The following DCAF6 variants were observed in gnomAD, a reference collection of about 807,000 sequenced individuals.
The protein encoded by DCAF6 is DDB1 and CUL4 associated factor 6.
Under a neutral mutation model 125.1 loss-of-function variants are expected in DCAF6, and 54 were observed. That is an observed-to-expected ratio of 0.43 (90% CI 0.35 to 0.54). DCAF6 has a LOEUF of 0.54. Ranked by LOEUF, DCAF6 falls within the 20% of genes least tolerant of loss-of-function variation. The pLI is 0.01. For synonymous variants in DCAF6, 371 were observed against 390.4 expected (o/e 0.95, Z 0.58); for missense variants, 934 against 1,161.7 (o/e 0.80, Z 2.85).
At chr1:168,023,216 G>A in intron 12 of DCAF6, 169 bp downstream of exon 12, 1 of 670,810 alleles carries the variant, frequency 1.5e-6, no homozygotes, top group Non-Finnish European at 2.5e-6. Context: ...AGGTCTTTTT[G>A]GCCTATACAG....
chr1:168,032,512 T>C (rs536083930), intron 12 of DCAF6, among the ~76,000 whole-genome samples: 1 of 152,368 alleles, frequency 6.6e-6, no homozygotes, highest in South Asian at 2.1e-4. Flanking sequence ...GCCTTTTCTA[T>C]ACAAGTCTAG....
intron 10 of DCAF6, among the ~76,000 whole-genome samples, chr1:168,010,952 C>T (rs1684195013): frequency 6.6e-6 from 1 of 151,712 alleles, no homozygotes; most frequent in South Asian, 2.1e-4. Context: ...TTCATTTTAA[C>T]CTATTTAAAG....
At chr1:167,980,200 G>A (rs203255) in intron 4 of DCAF6, among the ~76,000 whole-genome samples, 98 of 152,102 alleles carry the variant, frequency 6.4e-4, no homozygotes, top group African/African-American at 2.1e-3. Context: ...AAATAAATAA[G>A]TAAATAAATA....
At chr1:168,034,910 T>A (rs1241884396) in intron 12 of DCAF6, among the ~76,000 whole-genome samples, 1 of 152,168 alleles carries the variant, frequency 6.6e-6, no homozygotes, top group Non-Finnish European at 1.5e-5. Flanking sequence ...TTTTTTCAAA[T>A]AAAGTAAAAA....
chr1:167,870,244 C>T, the DCAF6 span: 4 of 1,613,904 alleles, frequency 2.5e-6, no homozygotes, highest in Admixed American at 6.7e-5. Flanking sequence ...AACAATCATT[C>T]CAAGACACTC....
At chr1:167,923,961 T>A in the DCAF6 span, among the ~76,000 whole-genome samples, 1 of 152,222 alleles carries the variant, frequency 6.6e-6, no homozygotes, top group African/African-American at 2.4e-5. Context: ...CCACCACAAT[T>A]GTTTCTTTTC....
intron 21 of DCAF6, among the ~76,000 whole-genome samples, chr1:168,073,119 TGAGCCAA>T (rs1220980306): frequency 6.6e-6 from 1 of 151,806 alleles, no homozygotes; most frequent in Non-Finnish European, 1.5e-5. Flanking sequence ...GAGGTTGCAG[TGAGCCAA>T]GATCGCGCCA....
At chr1:168,026,473 A>G (rs1322536148) in intron 12 of DCAF6, among the ~76,000 whole-genome samples, 4 of 152,162 alleles carry the variant, frequency 2.6e-5, no homozygotes, top group South Asian at 2.1e-4. Flanking sequence ...GGCCATTGCT[A>G]TAGTCCACCT....
the DCAF6 span, chr1:167,883,695 C>A: frequency 8.3e-6 from 12 of 1,451,356 alleles, no homozygotes; most frequent in Non-Finnish European, 1.2e-5. Context: ...ACACCGCCCC[C>A]ACCTCATACC....
chr1:168,060,429 T>G (rs1370541654), intron 17 of DCAF6, among the ~76,000 whole-genome samples: 1 of 152,094 alleles, frequency 6.6e-6, no homozygotes, highest in East Asian at 1.9e-4. Flanking sequence ...CAAGCAGCCC[T>G]CCTGCCTCAG....
intron 16 of DCAF6, among the ~76,000 whole-genome samples, chr1:168,047,627 AAGAG>A (rs1420391184): frequency 1.3e-5 from 2 of 152,070 alleles, no homozygotes; most frequent in Admixed American, 6.5e-5. Context: ...ATTTATGAAT[AAGAG>A]AGAATACCGA....
intron 4 of DCAF6, among the ~76,000 whole-genome samples, chr1:167,979,700 A>G (rs1470948243): frequency 6.6e-6 from 1 of 152,030 alleles, no homozygotes; most frequent in Non-Finnish European, 1.5e-5. Flanking sequence ...CAGCCTGTAC[A>G]ACAAGATGAA....
chr1:167,936,601 G>T (rs1436007085), upstream of DCAF6: 6 of 344,788 alleles, frequency 1.7e-5, no homozygotes, highest in Non-Finnish European at 2.7e-5. Context: ...CCAGGACGAG[G>T]AGAGGGAGGA....
chr1:167,890,328 CT>C, the DCAF6 span, among the ~76,000 whole-genome samples: 2 of 152,170 alleles, frequency 1.3e-5, no homozygotes, highest in Non-Finnish European at 2.9e-5. Context: ...CCTTTGTGGT[CT>C]TAAATAAGAT....
chr1:167,937,818 T>A (rs913436365), intron 1 of DCAF6, among the ~76,000 whole-genome samples: 2 of 152,196 alleles, frequency 1.3e-5, no homozygotes, highest in African/African-American at 4.8e-5. Flanking sequence ...TGGACGTACT[T>A]AGTAAAGGTC....
chr1:168,029,594 T>C (rs1232366499), intron 12 of DCAF6, among the ~76,000 whole-genome samples: 2 of 152,196 alleles, frequency 1.3e-5, no homozygotes, highest in Admixed American at 6.5e-5. Flanking sequence ...TTTTATATGT[T>C]AATTTACTTA....
intron 18 of DCAF6, among the ~76,000 whole-genome samples, chr1:168,065,188 T>C (rs1366416984): frequency 2.6e-5 from 4 of 152,226 alleles, no homozygotes; most frequent in African/African-American, 9.6e-5. Flanking sequence ...TTTCAGGTGC[T>C]GTAAATATAG....
intron 1 of DCAF6, among the ~76,000 whole-genome samples, chr1:167,949,291 G>C (rs532474183): frequency 6.6e-6 from 1 of 152,120 alleles, no homozygotes; most frequent in African/African-American, 2.4e-5. Flanking sequence ...GAACATCTTC[G>C]GAGCAGAGGC....
At chr1:168,009,345 CCCTTCCTTCCTTCCTTCCTTCCTTCCTT>C (rs199573600) in intron 10 of DCAF6, among the ~76,000 whole-genome samples, 1,567 of 127,938 alleles carry the variant, frequency 0.012, 39 homozygotes, top group African/African-American at 0.045. Flanking sequence ...CTTCCTTCCT[CCCTTCCTTCCTTCCTTCCTTCCTTCCTT>C]CCTTCCTTCC....
Sources: gnomAD v4.1 joint callset for allele counts (sites outside exome capture counted in the v4.1 genomes callset) on GRCh38, gnomAD v4.1.1 for gene constraint, MANE v1.5 for transcripts, NCBI Gene and HGNC (gene_info 2026-07-23, HGNC 2026-07-21) for gene names.